KIF21A: variants seen among roughly 807,000 people sequenced by gnomAD.
KIF21A encodes the protein kinesin family member 21A.
A neutral mutation model predicts 202.9 loss-of-function variants in KIF21A; 114 were observed. The ratio of observed to expected loss-of-function variants is 0.56; its 90% CI spans 0.48 to 0.66. KIF21A has a LOEUF of 0.66. KIF21A is among the 30% of genes least tolerant of loss of function. KIF21A has a pLI of 0.00. For missense variants in KIF21A, 1,677 were observed against 1,994.9 expected, an observed-to-expected ratio of 0.84 and a Z score of 3.04; for synonymous variants, 667 against 670.8, an observed-to-expected ratio of 0.99 and a Z score of 0.09.
intron 16 of KIF21A, among the ~76,000 whole-genome samples, chr12:39,337,748 C>T (rs1219918455): frequency 6.6e-6 from 1 of 152,102 alleles, no homozygotes; most frequent in Non-Finnish European, 1.5e-5. Flanking sequence ...AACAATGAAC[C>T]ACACTTAAGA....
In KIF21A at chr12:39,373,054, AGTCTTCCT is replaced by A. The variant is rs547494476; in HGVS notation, c.45-2801_45-2794del. On this transcript the variant is annotated intron_variant, in intron 1 of 37. Transcript: ENST00000361418. ...TAGAATATTGCAAAGTCTTCTAACC[AGTCTTCCT>A]GTGTCAACTCTTGCCCTCACCAACC... Among the ~76,000 whole-genome samples, 409 of 152,272 alleles carry A rather than the reference AGTCTTCCT, an allele frequency of 2.7e-3. 1 individual carries two copies. Among genetic ancestry groups the A allele is most frequent in the South Asian group, 0.017 (81 of 4,828 alleles).
At chr12:39,342,627 A>G (rs1947538978) in intron 12 of KIF21A, among the ~76,000 whole-genome samples, 1 of 152,184 alleles carries the variant, frequency 6.6e-6, no homozygotes, top group Non-Finnish European at 1.5e-5. Context: ...AGCTATATCC[A>G]TCAGTATTTT....
At chr12:39,414,912 G>A (rs1357770630) in intron 1 of KIF21A, among the ~76,000 whole-genome samples, 1 of 148,592 alleles carries the variant, frequency 6.7e-6, no homozygotes. Flanking sequence ...GTGATTACAA[G>A]TGTTTTGTTT....
chr12:39,423,130 T>C (rs1954438982), intron 1 of KIF21A, among the ~76,000 whole-genome samples: 1 of 152,310 alleles, frequency 6.6e-6, no homozygotes, highest in Non-Finnish European at 1.5e-5. Context: ...GAACTATTTT[T>C]TATTAGAACA....
rs748929314 is a variant in KIF21A, at chr12:39,348,000, C to T, written c.1674-1496G>A. Reference sequence around the variant, plus strand: ...ACAATGGCTCAGAGAATGTGATTCCCTCATGAAGAACCCAGATTTTCTATT... The same window carrying T: ...ACAATGGCTCAGAGAATGTGATTCCTTCATGAAGAACCCAGATTTTCTATT... On this transcript the variant is annotated intron_variant, in intron 11 of 37. Transcript: ENST00000361418. Among the ~76,000 whole-genome samples, 48 of 152,012 alleles carry T rather than the reference C, an allele frequency of 3.2e-4. 1 individual carries two copies. Among genetic ancestry groups the T allele is most frequent in the Non-Finnish European group, 5.9e-5 (4 of 67,962 alleles).
chr12:39,425,457 C>T (rs1399077533), intron 1 of KIF21A, among the ~76,000 whole-genome samples: 1 of 152,036 alleles, frequency 6.6e-6, no homozygotes, highest in Non-Finnish European at 1.5e-5. Flanking sequence ...GAGCTATGTG[C>T]CTGCTGATGT....
intron 1 of KIF21A, among the ~76,000 whole-genome samples, chr12:39,422,388 T>G (rs1954372781): frequency 6.6e-6 from 1 of 152,166 alleles, no homozygotes; most frequent in South Asian, 2.1e-4. Flanking sequence ...TTGTTCTAAA[T>G]TTTGCTGCCA....
rs755967049 is a variant in KIF21A, at chr12:39,311,493, A to C, written c.4020T>G (p.Ile1340Met). Residue 1340 changes from isoleucine (I) to methionine (M), a missense_variant, in exon 32 of 38, where the codon ATT (isoleucine) becomes ATG (methionine). By Grantham distance (10) the Ile-to-Met change is conservative. Around this residue, in one of 3 missense-constraint regions of KIF21A, gnomAD observed 705 missense variants for 791.9 expected, o/e 0.89. Coordinates refer to ENST00000361418, the MANE Select transcript of KIF21A (RefSeq NM_001173464.2). The part of the protein sequence containing the change: ...KGIRAFPLQC[I>M]HIAEGHTKAV... Reference sequence around the variant, plus strand: ...CTTTTGTATGCCCTTCAGCTATGTGAATACACTGAAGTGGAAAAGCTCTGA... The same window carrying C: ...CTTTTGTATGCCCTTCAGCTATGTGCATACACTGAAGTGGAAAAGCTCTGA... 2.2e-5 allele frequency: 36 copies of C among 1,613,110 alleles called. No homozygotes were observed. The highest frequency in any genetic ancestry group is 3.1e-5 in the Non-Finnish European group (36 of 1,179,284).
At chr12:39,370,291 TA>T (rs1949863996) in intron 1 of KIF21A, 30 bp from the exon 2 acceptor site, 2 of 1,529,234 alleles carry the variant, frequency 1.3e-6, no homozygotes, top group Admixed American at 3.5e-5. Context: ...AAGAAAAAAA[TA>T]AAATAAATGG....
chr12:39,320,788 A>T (rs1945137465), intron 27 of KIF21A, among the ~76,000 whole-genome samples: 1 of 151,800 alleles, frequency 6.6e-6, no homozygotes, highest in Non-Finnish European at 1.5e-5. Flanking sequence ...TACCAAAATT[A>T]GCTGAGTGTG....
chr12:39,328,923 T>C (rs1391712026), intron 24 of KIF21A, among the ~76,000 whole-genome samples: 2 of 152,246 alleles, frequency 1.3e-5, no homozygotes, highest in Admixed American at 6.5e-5. Context: ...CCCATAACTC[T>C]ACAGATCTCA....
Position 39,307,660 on chromosome 12 carries a change from A to T in KIF21A, c.4347T>A (p.Ser1449=). ...ASTSRTVAIP[S]GENQINQIAL... is the part of the protein sequence containing the mutation. The stretch of plus-strand genomic sequence containing the variant: ...CAATTTGATTGATCTGGTTCTCTCC[A>T]GAAGGAATAGCTACTGTTCGACTGG... The change falls in exon 34 of 38, where the codon TCT becomes TCA. Residue 1449 remains serine, a synonymous_variant. Coordinates refer to ENST00000361418, the MANE Select transcript of KIF21A (RefSeq NM_001173464.2). 1 of 1,614,068 alleles carries T rather than the reference A, an allele frequency of 6.2e-7. No homozygotes were observed. Among genetic ancestry groups the T allele is most frequent in the Non-Finnish European group, 8.5e-7 (1 of 1,179,924 alleles).
chr12:39,374,089 G>T (rs1247338590), intron 1 of KIF21A, among the ~76,000 whole-genome samples: 1 of 152,100 alleles, frequency 6.6e-6, no homozygotes, highest in Non-Finnish European at 1.5e-5. Flanking sequence ...TGAAAAATTA[G>T]TATTTTAAAA....
chr12:39,373,814 A>C lies in KIF21A; in HGVS notation c.45-3553T>G, dbSNP rs1950109239. On this transcript the variant is annotated intron_variant, in intron 1 of 37. Transcript: ENST00000361418. The stretch of plus-strand genomic sequence containing the variant: ...TCTCTTAACCTCTACTCATCTGGTT[A>C]TGATTCTTGCTAATGGCAAGGAGGA... Among the ~76,000 whole-genome samples, 2 of 152,222 alleles carry C rather than the reference A, an allele frequency of 1.3e-5. 1 individual carries two copies. Among genetic ancestry groups the C allele is most frequent in the Admixed American group, 1.3e-4 (2 of 15,272 alleles).
intron 1 of KIF21A, among the ~76,000 whole-genome samples, chr12:39,375,259 C>T (rs955043618): frequency 5.3e-5 from 8 of 152,144 alleles, no homozygotes; most frequent in African/African-American, 1.9e-4. Context: ...AAGGCTTATA[C>T]TTGCTACCTT....
At chr12:39,412,391 T>C (rs1953174389) in intron 1 of KIF21A, among the ~76,000 whole-genome samples, 1 of 152,176 alleles carries the variant, frequency 6.6e-6, no homozygotes, top group Admixed American at 6.5e-5. Flanking sequence ...TTATGCCTAC[T>C]CTACCATCAA....
At chr12:39,423,148 A>G (rs1047968332) in intron 1 of KIF21A, among the ~76,000 whole-genome samples, 1 of 152,198 alleles carries the variant, frequency 6.6e-6, no homozygotes, top group Admixed American at 6.5e-5. Flanking sequence ...ACACTCATCT[A>G]TACCCTCAAC....
intron 1 of KIF21A, among the ~76,000 whole-genome samples, chr12:39,436,623 T>A (rs1191514206): frequency 1.4e-5 from 2 of 141,066 alleles, no homozygotes; most frequent in African/African-American, 2.8e-5. Context: ...GCTTTAAACA[T>A]TTTTAATAAT....
chr12:39,396,460 A>G (rs1213194604), intron 1 of KIF21A, among the ~76,000 whole-genome samples: 3 of 152,228 alleles, frequency 2.0e-5, no homozygotes, highest in African/African-American at 7.2e-5. Context: ...CAATTCAACA[A>G]TTGATCTTAC....
Sources: gnomAD v4.1 joint callset for allele counts (sites outside exome capture counted in the v4.1 genomes callset) on GRCh38, gnomAD v4.1.1 for gene constraint, gnomAD v4.1.1 regional missense constraint, MANE v1.5 for transcripts, NCBI Gene and HGNC (gene_info 2026-07-23, HGNC 2026-07-21) for gene names.